The following RFX3 variants were observed in gnomAD, a reference collection of about 807,000 sequenced individuals.
RFX3 encodes the protein transcription factor RFX3.
Under a neutral mutation model 98.6 loss-of-function variants are expected in RFX3, and 14 were observed. The ratio of observed to expected loss-of-function variants is 0.14; its 90% CI spans 0.09 to 0.22. The LOEUF (loss-of-function observed/expected upper bound fraction) is 0.22, where lower values mean the gene tolerates loss of function less well. Among genes scored for constraint, RFX3 ranks in the 10% least tolerant of loss-of-function variants. The pLI is 1.00. For missense variants in RFX3, 639 were observed against 926.9 expected (o/e 0.69, Z 4.03); for synonymous variants, 383 against 328.4 (o/e 1.17, Z -1.80).
At position 3,283,877 on chromosome 9, in the gene RFX3, A is replaced by T. The variant is rs536260740; in HGVS notation, c.851+4254T>A. Among the ~76,000 whole-genome samples, 16 of 151,772 alleles carry T rather than the reference A, an allele frequency of 1.1e-4. 2 individuals are homozygous for T. In the South Asian group the frequency reaches 2.3e-3, roughly 22 times the overall value. On this transcript the variant is annotated intron_variant, in intron 7 of 16. Transcript: ENST00000617270. ...TATTACGTGTATTTCTGTTTGGGTT[A>T]TCTTACCTCTTTGAGGGTGGAATTC...
At chr9:3,329,429 CA>C (rs1056225979) in intron 4 of RFX3, among the ~76,000 whole-genome samples, 3 of 108,282 alleles carry the variant, frequency 2.8e-5, no homozygotes, top group Non-Finnish European at 5.4e-5. Flanking sequence ...AAAAAAAAAA[CA>C]AAAAACCACC....
At chr9:3,389,618 T>C (rs1840075090) in intron 2 of RFX3, among the ~76,000 whole-genome samples, 1 of 152,118 alleles carries the variant, frequency 6.6e-6, no homozygotes, top group Non-Finnish European at 1.5e-5. Flanking sequence ...TCTAAACTTT[T>C]TGAGTGCCAG....
chr9:3,345,859 T>G (rs923061605), intron 3 of RFX3, among the ~76,000 whole-genome samples: 2 of 152,104 alleles, frequency 1.3e-5, no homozygotes, highest in African/African-American at 4.8e-5. Flanking sequence ...ATAAATGAAA[T>G]CACTCAAGGA....
intron 1 of RFX3, among the ~76,000 whole-genome samples, chr9:3,508,959 A>C (rs943560823): frequency 1.5e-4 from 22 of 150,558 alleles, no homozygotes; most frequent in African/African-American, 5.1e-4. Context: ...AAACACAGAC[A>C]CACACACACA....
At chr9:3,236,463 G>T (rs1340788577) in intron 15 of RFX3, among the ~76,000 whole-genome samples, 1 of 152,182 alleles carries the variant, frequency 6.6e-6, no homozygotes, top group East Asian at 1.9e-4. Context: ...TAAGGAAGAG[G>T]ATATATCCTG....
At chr9:3,406,373 C>T (rs1280802096) in intron 1 of RFX3, among the ~76,000 whole-genome samples, 2 of 151,820 alleles carry the variant, frequency 1.3e-5, no homozygotes, top group East Asian at 1.9e-4. Context: ...CCTACTTTCC[C>T]GTGATAGCTT....
intron 1 of RFX3, among the ~76,000 whole-genome samples, chr9:3,402,018 T>C (rs1348603785): frequency 1.3e-5 from 2 of 152,244 alleles, no homozygotes; most frequent in African/African-American, 4.8e-5. Flanking sequence ...TCAAATGTTT[T>C]TTGTGGAACT....
chr9:3,225,584 T>C (rs1216293468), intron 16 of RFX3, among the ~76,000 whole-genome samples: 1 of 152,184 alleles, frequency 6.6e-6, no homozygotes, highest in Non-Finnish European at 1.5e-5. Flanking sequence ...TATTAAATAA[T>C]GGCATAATTT....
In RFX3 at chr9:3,288,264, C is replaced by T; in HGVS notation, c.732-14G>A. 1 of 1,610,136 alleles carries T rather than the reference C, an allele frequency of 6.2e-7. No individual in the cohort carries two copies. Among genetic ancestry groups the T allele is most frequent in the Non-Finnish European group, 8.5e-7 (1 of 1,177,044 alleles). On this transcript the variant is annotated splice_polypyrimidine_tract_variant and intron_variant, in intron 6 of 16. Coordinates refer to ENST00000617270, the MANE Select transcript of RFX3 (RefSeq NM_001282116.2). ...TTGGAGTTTCCTCTTCATTAATGAA[C>T]AAGAAACATTAGAAACAAAAGTCAG...
chr9:3,334,251 C>T (rs1832909836), intron 3 of RFX3, among the ~76,000 whole-genome samples: 1 of 152,228 alleles, frequency 6.6e-6, no homozygotes, highest in Admixed American at 6.5e-5. Flanking sequence ...CTACACTATT[C>T]TCCATTATTA....
intron 1 of RFX3, among the ~76,000 whole-genome samples, chr9:3,428,956 C>CT (rs1390775954): frequency 6.7e-6 from 1 of 150,256 alleles, no homozygotes; most frequent in Non-Finnish European, 1.5e-5. Context: ...ATAATACTCT[C>CT]TAATACTCTC....
chr9:3,279,899 G>C (rs921414751), intron 7 of RFX3, among the ~76,000 whole-genome samples: 1 of 151,842 alleles, frequency 6.6e-6, no homozygotes, highest in East Asian at 1.9e-4. Context: ...TATTATGTGG[G>C]AGATGAAAAA....
chr9:3,486,514 C>T (rs1296997836), intron 1 of RFX3, among the ~76,000 whole-genome samples: 2 of 152,106 alleles, frequency 1.3e-5, no homozygotes, highest in Non-Finnish European at 1.5e-5. Flanking sequence ...CCCATTTTTT[C>T]TGCCCTTTTC....
intron 1 of RFX3, among the ~76,000 whole-genome samples, chr9:3,421,446 A>C (rs567508151): frequency 6.6e-6 from 1 of 152,284 alleles, no homozygotes; most frequent in East Asian, 1.9e-4. Context: ...CAAACATCCA[A>C]CTCCATAGAA....
At chr9:3,350,114 CA>C (rs1472232933) in intron 2 of RFX3, among the ~76,000 whole-genome samples, 1 of 152,116 alleles carries the variant, frequency 6.6e-6, no homozygotes, top group Non-Finnish European at 1.5e-5. Flanking sequence ...ACAAATAATT[CA>C]CAAGCTGGAT....
At chr9:3,342,214 C>T (rs1833965850) in intron 3 of RFX3, among the ~76,000 whole-genome samples, 1 of 152,122 alleles carries the variant, frequency 6.6e-6, no homozygotes, top group African/African-American at 2.4e-5. Flanking sequence ...TTAGATATTA[C>T]TCAGGTACAA....
At chr9:3,500,225 G>C (rs1047401008) in intron 1 of RFX3, among the ~76,000 whole-genome samples, 1 of 152,126 alleles carries the variant, frequency 6.6e-6, no homozygotes, top group African/African-American at 2.4e-5. Context: ...AAGAGAATGG[G>C]TTCACTAAGG....
chr9:3,447,747 T>G (rs1846171188), intron 1 of RFX3, among the ~76,000 whole-genome samples: 3 of 152,168 alleles, frequency 2.0e-5, no homozygotes, highest in South Asian at 2.1e-4. Context: ...ATGCATGAAT[T>G]AAGTAAGAAG....
intron 4 of RFX3, among the ~76,000 whole-genome samples, chr9:3,315,668 T>C (rs1023820637): frequency 4.0e-5 from 6 of 151,756 alleles, no homozygotes; most frequent in African/African-American, 1.5e-4. Flanking sequence ...ATCAGATAGA[T>C]GCAATAAAAA....
Sources: allele counts gnomAD v4.1 joint callset (sites outside exome capture counted in the v4.1 genomes callset), GRCh38; gene constraint gnomAD v4.1.1; transcripts MANE v1.5; gene names NCBI Gene and HGNC (gene_info 2026-07-23, HGNC 2026-07-21).